Variants in XKR6 observed in about 807,000 individuals in gnomAD.
XKR6 encodes the protein XK related 6.
A neutral mutation model predicts 56.7 loss-of-function variants in XKR6; 22 were observed. The ratio of observed to expected loss-of-function variants is 0.39; its 90% CI spans 0.28 to 0.55. XKR6 has a LOEUF of 0.55. XKR6 is among the 20% of genes least tolerant of loss of function. XKR6 has a pLI of 0.66. For missense variants in XKR6, 852 were observed against 889.0 expected (o/e 0.96, Z 0.53); for synonymous variants, 524 against 387.8 (o/e 1.35, Z -4.13).
intron 1 of XKR6, among the ~76,000 whole-genome samples, chr8:11,101,637 T>A (rs1441708855): frequency 2.6e-5 from 4 of 152,162 alleles, no homozygotes; most frequent in Non-Finnish European, 5.9e-5. Flanking sequence ...ATTTTCCCCC[T>A]CCTTGGTGGA....
At chr8:11,162,308 G>A (rs552040105) in intron 1 of XKR6, among the ~76,000 whole-genome samples, 2 of 152,198 alleles carry the variant, frequency 1.3e-5, no homozygotes, top group Admixed American at 6.5e-5. Flanking sequence ...AGGAAAAGCC[G>A]CCTTCTCCCC....
At chr8:10,982,194 G>A (rs1797750297) in intron 1 of XKR6, among the ~76,000 whole-genome samples, 1 of 152,218 alleles carries the variant, frequency 6.6e-6, no homozygotes, top group South Asian at 2.1e-4. Context: ...GGCATAATAT[G>A]TGGCAGCAAA....
intron 1 of XKR6, among the ~76,000 whole-genome samples, chr8:11,051,512 T>C (rs545238666): frequency 6.6e-6 from 1 of 152,158 alleles, no homozygotes; most frequent in South Asian, 2.1e-4. Flanking sequence ...CCCAGCGGAG[T>C]AAAGGACACC....
chr8:11,167,728 G>C (rs933247893), intron 1 of XKR6, among the ~76,000 whole-genome samples: 2 of 152,168 alleles, frequency 1.3e-5, no homozygotes, highest in Middle Eastern at 3.4e-3. Context: ...ACTATTGAAG[G>C]AGGGCCCCAG....
chr8:11,156,064 C>CA (rs1272858244), intron 1 of XKR6, among the ~76,000 whole-genome samples: 2 of 152,162 alleles, frequency 1.3e-5, no homozygotes, highest in African/African-American at 2.4e-5. Context: ...TGACTTGCAA[C>CA]AAAACAAGGT....
In XKR6 at chr8:11,049,455, T is replaced by C. The variant is rs558260770; in HGVS notation, c.765-124625A>G. Among the ~76,000 whole-genome samples, 10 of 152,294 alleles carry C rather than the reference T, an allele frequency of 6.6e-5. 1 individual carries two copies. The South Asian group carries it at 2.1e-3, about 32-fold the overall frequency. On this transcript the variant is annotated intron_variant, in intron 1 of 2. Coordinates refer to ENST00000416569, the MANE Select transcript of XKR6 (RefSeq NM_173683.4). ...GGGCTGGCTGCTCCCTGCGCCTCTC[T>C]GCAGGGGGCTGCGGGAATTAGCCTC...
intron 2 of XKR6, among the ~76,000 whole-genome samples, chr8:10,920,728 C>T (rs28673205): frequency 0.015 from 2,314 of 152,354 alleles, 63 homozygotes; most frequent in African/African-American, 0.05. Flanking sequence ...ACAGGCAGCC[C>T]GTGCTCAGTG....
At chr8:10,945,515 A>G (rs1353818366) in intron 1 of XKR6, among the ~76,000 whole-genome samples, 1 of 152,082 alleles carries the variant, frequency 6.6e-6, no homozygotes, top group Non-Finnish European at 1.5e-5. Flanking sequence ...AAAGACCAAA[A>G]TGCCTTGGCA....
intron 1 of XKR6, among the ~76,000 whole-genome samples, chr8:11,169,014 TGGTCCCAGGACAA>T (rs931671811): frequency 2.6e-5 from 4 of 152,240 alleles, no homozygotes; most frequent in Non-Finnish European, 5.9e-5. Flanking sequence ...AGCCTCTGAC[TGGTCCCAGGACAA>T]GGTCCCAGGC....
At chr8:11,169,226 T>C (rs767968828) in intron 1 of XKR6, among the ~76,000 whole-genome samples, 1 of 152,180 alleles carries the variant, frequency 6.6e-6, no homozygotes, top group Non-Finnish European at 1.5e-5. Flanking sequence ...CTTTTGCTTA[T>C]TAAACTTTTA....
At chr8:10,984,046 T>C (rs763808804) in intron 1 of XKR6, among the ~76,000 whole-genome samples, 12 of 152,176 alleles carry the variant, frequency 7.9e-5, no homozygotes, top group Non-Finnish European at 1.5e-4. Flanking sequence ...CTTGGAATAT[T>C]ATTGCAAAAC....
chr8:11,124,196 C>G, intron 1 of XKR6: 1 of 356,664 alleles, frequency 2.8e-6, no homozygotes, highest in Admixed American at 3.7e-5. Context: ...GAGAAAAAAG[C>G]CAACCTTAAT....
intron 1 of XKR6, among the ~76,000 whole-genome samples, chr8:11,154,019 C>A (rs1332807339): frequency 1.3e-5 from 2 of 152,206 alleles, no homozygotes; most frequent in Admixed American, 1.3e-4. Flanking sequence ...TTTTAAAAGC[C>A]TAGGTGGGTA....
At chr8:10,926,474 G>A (rs1800889527) in intron 1 of XKR6, among the ~76,000 whole-genome samples, 1 of 152,054 alleles carries the variant, frequency 6.6e-6, no homozygotes, top group Admixed American at 6.5e-5. Context: ...AGCTGCAATG[G>A]ATGCCTCATT....
chr8:11,082,472 T>C (rs7818872), intron 1 of XKR6, among the ~76,000 whole-genome samples: 2,333 of 152,368 alleles, frequency 0.015, 62 homozygotes, highest in African/African-American at 0.053. Context: ...GAGGCCTGCA[T>C]AAGCCACAGA....
chr8:10,958,845 AG>A (rs1257374317), intron 1 of XKR6, among the ~76,000 whole-genome samples: 1 of 152,242 alleles, frequency 6.6e-6, no homozygotes, highest in African/African-American at 2.4e-5. Flanking sequence ...CAGAAGCCTT[AG>A]GAACTATTAT....
rs147279877 is a variant in XKR6 at position 11,015,999 on chromosome 8, TCGGTTTGGTCAGCAGACCCC to T, written c.765-91189_765-91170del. On this transcript the variant is annotated intron_variant, in intron 1 of 2. Transcript: ENST00000416569. ...GGCAGCAGGGCTCAGACGATCCGGC[TCGGTTTGGTCAGCAGACCCC>T]CGGTAACGCCCCGCACCGTCGGCGA... 6.3e-3 allele frequency among the ~76,000 whole-genome samples: 958 copies of T among 152,120 alleles called. 7 individuals are homozygous for T. The highest frequency in any genetic ancestry group is 0.016 in the South Asian group (78 of 4,814).
chr8:11,128,987 G>C (rs1232320900), intron 1 of XKR6: 1 of 456,476 alleles, frequency 2.2e-6, no homozygotes, highest in Non-Finnish European at 4.4e-6. Flanking sequence ...TTTTTGGTTT[G>C]TTCTGTTCTC....
intron 1 of XKR6, among the ~76,000 whole-genome samples, chr8:11,166,204 C>G (rs551948208): frequency 1.3e-5 from 2 of 152,130 alleles, no homozygotes; most frequent in Admixed American, 6.5e-5. Context: ...GACCATTGAA[C>G]TATCCTTCAT....
Sources: gnomAD v4.1 joint callset for allele counts (sites outside exome capture counted in the v4.1 genomes callset) on GRCh38, gnomAD v4.1.1 for gene constraint, MANE v1.5 for transcripts, NCBI Gene and HGNC (gene_info 2026-07-23, HGNC 2026-07-21) for gene names.